The following TTF1 variants were observed in gnomAD, a reference collection of about 807,000 sequenced individuals.
The protein encoded by TTF1 is transcription termination factor 1.
TTF1 carries 64 observed loss-of-function variants against 80.2 expected under a neutral mutation model. The observed-to-expected ratio is 0.80, with a 90% CI of 0.65 to 0.98. The LOEUF is 0.98. Ranked by LOEUF, TTF1 falls within the 50% of genes least tolerant of loss-of-function variation. The pLI, the probability that TTF1 is intolerant of heterozygous loss-of-function variation, is 0.00. For synonymous variants in TTF1, 372 were observed against 382.7 expected, an observed-to-expected ratio of 0.97 and a Z score of 0.33; for missense variants, 1,023 against 1,086.2, an observed-to-expected ratio of 0.94 and a Z score of 0.82.
intron 4 of TTF1, 80 bp downstream of exon 4, chr9:132,398,061 G>A (rs1044397323): frequency 4.7e-5 from 58 of 1,247,302 alleles, no homozygotes; most frequent in Non-Finnish European, 5.8e-5. Context: ...GCCAGGTACC[G>A]TGCTAACACT....
At position 132,401,843 on chromosome 9, in the gene TTF1, C is replaced by A. The variant is rs1402211515; in HGVS notation, c.979G>T (p.Ala327Ser). 1 of 1,613,422 alleles carries A rather than the reference C, an allele frequency of 6.2e-7. No homozygotes were observed. The highest frequency in any genetic ancestry group is 2.2e-5 in the East Asian group (1 of 44,856). The change falls in exon 2 of 11, where the codon GCT becomes TCT. Residue 327 changes from alanine to serine, a missense_variant. By Grantham distance (99) the Ala-to-Ser change is moderately conservative. Coordinates refer to ENST00000334270, the MANE Select transcript of TTF1 (RefSeq NM_007344.4). ...HGETAGIPAP[A>S]YKNKSKKKKK... is the part of the protein sequence containing the mutation. Reference sequence around the variant, plus strand: ...TTTTTCTTAGACTTGTTTTTATAAGCAGGTGCTGGTATTCCTGCAGTTTCA... The same window carrying A: ...TTTTTCTTAGACTTGTTTTTATAAGAAGGTGCTGGTATTCCTGCAGTTTCA...
chr9:132,388,119 T>G lies in TTF1; in HGVS notation c.2312+20A>C. On this transcript the variant is annotated intron_variant, in intron 8 of 10. Coordinates refer to ENST00000334270, the MANE Select transcript of TTF1 (RefSeq NM_007344.4). ...TAGAGACAGAAACAGTTAAGAGGCATCCGTTTCTATTTTTCATACCTTTCA... is the reference window on the plus strand; with the variant it reads ...TAGAGACAGAAACAGTTAAGAGGCAGCCGTTTCTATTTTTCATACCTTTCA... The G allele has an allele frequency of 6.3e-7, 1 of 1,579,640 alleles. No individual in the cohort carries two copies. The highest frequency in any genetic ancestry group is 8.7e-7 in the Non-Finnish European group (1 of 1,151,228).
chr9:132,405,680 A>G (rs1369837911), intron 1 of TTF1, among the ~76,000 whole-genome samples: 1 of 152,220 alleles, frequency 6.6e-6, no homozygotes, highest in Non-Finnish European at 1.5e-5. Flanking sequence ...TAAAGTCAAA[A>G]TCCTCACAGA....
In TTF1 at chr9:132,400,165, T is replaced by G. The variant is rs767467185; in HGVS notation, c.1461A>C (p.Ser487=). The part of the protein sequence containing the change: ...LSADSGDADD[S]DADLGSAVKQ... ...TCACGGCAGAACCCAAATCCGCATC[T>G]GAATCATCGGCATCTCCTGAATCTG... Residue 487 remains serine, a synonymous_variant, in exon 3 of 11, where the codon TCA becomes TCC. Transcript: ENST00000334270. 2 of 1,614,080 alleles carry G rather than the reference T, an allele frequency of 1.2e-6. No homozygotes were observed. Among genetic ancestry groups the G allele is most frequent in the African/African-American group, 2.7e-5 (2 of 74,920 alleles).
Position 132,391,994 on chromosome 9 carries a change from G to C in TTF1, c.1987+82C>G, listed in dbSNP as rs1251626374. 5 of 1,584,332 alleles carry C rather than the reference G, an allele frequency of 3.2e-6. No homozygotes were observed. In the African/African-American group the frequency reaches 6.8e-5, roughly 21 times the overall value. ...GGAAGACAGGTCTACGGTGATTTCC[G>C]GGCATTGGATCGGTTATGGCTGAAC... On this transcript the variant is annotated intron_variant, in intron 6 of 10. Transcript: ENST00000334270.
intron 10 of TTF1, among the ~76,000 whole-genome samples, chr9:132,377,271 T>TGTGA (rs1849206925): frequency 7.2e-6 from 1 of 139,138 alleles, no homozygotes; most frequent in South Asian, 2.3e-4. Flanking sequence ...ATGCGTGTGG[T>TGTGA]GTGAGTGCAT....
chr9:132,401,275 G>A (rs1042506739), intron 2 of TTF1, among the ~76,000 whole-genome samples, 180 bp downstream of exon 2: 2 of 152,050 alleles, frequency 1.3e-5, no homozygotes, highest in Middle Eastern at 3.4e-3. Context: ...GCGGTAAGCC[G>A]AGATTGCACC....
rs911720496 is a variant in TTF1, at chr9:132,401,846, G to C, written c.976C>G (p.Pro326Ala). ...LHGETAGIPA[P>A]AYKNKSKKKK... ...TTCTTAGACTTGTTTTTATAAGCAG[G>C]TGCTGGTATTCCTGCAGTTTCACCA... Residue 326 changes from proline to alanine, a missense_variant, in exon 2 of 11, where the codon CCT (proline) becomes GCT (alanine). Pro to Ala is a conservative substitution (Grantham distance 27). Coordinates refer to ENST00000334270, the MANE Select transcript of TTF1 (RefSeq NM_007344.4). 5 of 1,612,950 alleles carry C rather than the reference G, an allele frequency of 3.1e-6. No individual in the cohort carries two copies. Among genetic ancestry groups the C allele is most frequent in the Non-Finnish European group, 4.2e-6 (5 of 1,179,942 alleles).
intron 1 of TTF1, among the ~76,000 whole-genome samples, chr9:132,406,265 A>T (rs1849864395): frequency 6.6e-6 from 1 of 152,114 alleles, no homozygotes; most frequent in African/African-American, 2.4e-5. Flanking sequence ...CTGAGACTGG[A>T]GGAACTAACC....
chr9:132,404,439 A>C (rs927402825), intron 1 of TTF1, among the ~76,000 whole-genome samples: 18 of 151,876 alleles, frequency 1.2e-4, no homozygotes, highest in African/African-American at 4.1e-4. Flanking sequence ...GTCAAAGGCT[A>C]TTTCCTTCCG....
chr9:132,393,710 C>T lies in TTF1; in HGVS notation c.1857-1504G>A, dbSNP rs550879889. 6.7e-4 allele frequency among the ~76,000 whole-genome samples: 102 copies of T among 152,246 alleles called. 2 individuals carry two copies. Among genetic ancestry groups the T allele is most frequent in the Admixed American group, 6.3e-3 (97 of 15,298 alleles). On this transcript the variant is annotated intron_variant, in intron 5 of 10. Coordinates refer to ENST00000334270, the MANE Select transcript of TTF1 (RefSeq NM_007344.4). ...TGTGTGTCTTTAATTCCTCTAGCAC[C>T]GCTGGGTTAGGGTCTCCCGGACCGA...
intron 10 of TTF1, 40 bp downstream of exon 10, chr9:132,379,019 A>G (rs753615668): frequency 6.8e-7 from 1 of 1,474,120 alleles, no homozygotes; most frequent in South Asian, 1.3e-5. Flanking sequence ...GTGGCACCAA[A>G]TGCCATGTTC....
rs7860444 is a variant in TTF1, at chr9:132,397,518, G to A, written c.1777+623C>T. Among the ~76,000 whole-genome samples the A allele has an allele frequency of 6.0e-3, 915 of 152,310 alleles. 14 individuals are homozygous for A. Among genetic ancestry groups the A allele is most frequent in the African/African-American group, 0.021 (859 of 41,548 alleles). ...TAAAAAACACGGGAGACCATGGTGC[G>A]TATAAGGATGTGCTTTGTGTAGCGT... On this transcript the variant is annotated intron_variant, in intron 4 of 10. Coordinates refer to ENST00000334270, the MANE Select transcript of TTF1 (RefSeq NM_007344.4).
chr9:132,402,599 C>T lies in TTF1; in HGVS notation c.223G>A (p.Glu75Lys), dbSNP rs765903890. ...SPLKKSRICD[E>K]TANATSTLKK... is the part of the protein sequence containing the mutation. Reference sequence around the variant, plus strand: ...AGTGTGGAAGTGGCATTTGCAGTCTCATCACAGATTCTGGATTTTTTCAAA... The same window carrying T: ...AGTGTGGAAGTGGCATTTGCAGTCTTATCACAGATTCTGGATTTTTTCAAA... The change falls in exon 2 of 11, where the codon GAG (glutamate) becomes AAG (lysine). Residue 75 changes from glutamate to lysine, a missense_variant. Glu to Lys is a moderately conservative substitution (Grantham distance 56, BLOSUM62 1). Coordinates refer to ENST00000334270, the MANE Select transcript of TTF1 (RefSeq NM_007344.4). The T allele has an allele frequency of 1.2e-5, 20 of 1,613,774 alleles. No homozygotes were observed. The highest frequency in any genetic ancestry group is 1.7e-5 in the Admixed American group (1 of 59,910).
chr9:132,390,006 CGCTCT>C (rs1849533152), intron 7 of TTF1, among the ~76,000 whole-genome samples: 6 of 152,248 alleles, frequency 3.9e-5, no homozygotes, highest in Middle Eastern at 3.4e-3. Context: ...GACAGAGCCT[CGCTCT>C]GTTGCCCAGG....
In TTF1 at chr9:132,376,172, CAGAAA is replaced by C. The variant is rs1564180428; in HGVS notation, c.2465-9_2465-5del. On this transcript the variant is annotated splice_polypyrimidine_tract_variant and splice_region_variant and intron_variant, in intron 10 of 10. Coordinates refer to ENST00000334270, the MANE Select transcript of TTF1 (RefSeq NM_007344.4). The stretch of plus-strand genomic sequence containing the variant: ...TCATAAAGGTAGTCGATGATCTCTA[CAGAAA>C]AGAAATTTAATTGTGCAGTTATCTG... 1.9e-6 allele frequency: 3 copies of C among 1,607,360 alleles called. No individual in the cohort carries two copies. The Admixed American group carries it at 5.1e-5, about 27-fold the overall frequency.
At chr9:132,392,715 A>G (rs1849582900) in intron 5 of TTF1, among the ~76,000 whole-genome samples, 1 of 152,134 alleles carries the variant, frequency 6.6e-6, no homozygotes, top group Non-Finnish European at 1.5e-5. Context: ...ACAGAAACAT[A>G]ATACGAGCCT....
At position 132,384,742 on chromosome 9, in the gene TTF1, C is replaced by T. The variant is rs763790359; in HGVS notation, c.2378+1814G>A. On this transcript the variant is annotated intron_variant, in intron 9 of 10. Transcript: ENST00000334270. The surrounding 1 kb of genome is among the most constrained non-coding windows in gnomAD (Gnocchi z 4.1). ...CATGATCTCGGCTTACTGCAACCTC[C>T]GCCTCCTGGGTTCAAGCGATTCTCC... 6.6e-6 allele frequency among the ~76,000 whole-genome samples: 1 copy of T among 152,080 alleles called. No homozygotes were observed. The highest frequency in any genetic ancestry group is 6.6e-5 in the Admixed American group (1 of 15,260).
At chr9:132,392,255 A>C (rs1316922084) in intron 5 of TTF1, 49 bp from the exon 6 acceptor site, 37 of 1,609,042 alleles carry the variant, frequency 2.3e-5, no homozygotes, top group Non-Finnish European at 2.9e-5. Flanking sequence ...CTATCAGATT[A>C]AAAATGGTAT....
Sources: allele counts gnomAD v4.1 joint callset (sites outside exome capture counted in the v4.1 genomes callset), GRCh38; gene constraint gnomAD v4.1.1; non-coding constraint Gnocchi (gnomAD v3.1); transcripts MANE v1.5; gene names NCBI Gene and HGNC (gene_info 2026-07-23, HGNC 2026-07-21).